Variants in ZNF35 observed in about 807,000 individuals in gnomAD.
ZNF35 encodes the protein zinc finger protein 35 (clone HF.10).
ZNF35 carries 31 observed loss-of-function variants against 45.9 expected under a neutral mutation model. The ratio of observed to expected loss-of-function variants is 0.68; its 90% CI spans 0.51 to 0.91. The LOEUF (loss-of-function observed/expected upper bound fraction) is 0.91. Ranked by LOEUF, ZNF35 falls within the 40% of genes least tolerant of loss-of-function variation. ZNF35 has a pLI of 0.00. For synonymous variants in ZNF35, 205 were observed against 220.2 expected, an observed-to-expected ratio of 0.93 and a Z score of 0.61; for missense variants, 515 against 625.4, an observed-to-expected ratio of 0.82 and a Z score of 1.88.
At position 44,651,265 on chromosome 3, in the gene ZNF35, C is replaced by T. The variant is rs752808916; in HGVS notation, c.192+6C>T. The T allele has an allele frequency of 2.3e-5, 37 of 1,609,784 alleles. No individual in the cohort carries two copies. The highest frequency in any genetic ancestry group is 3.1e-5 in the Non-Finnish European group (36 of 1,178,352). ...GATCAGAAGAGGAAGAAAAGGTAAA[C>T]GGGGGCCTGAGAGGAAGAGGGGAGG... On this transcript the variant is annotated splice_donor_region_variant and intron_variant, in intron 2 of 3. Coordinates refer to ENST00000396056, the MANE Select transcript of ZNF35 (RefSeq NM_003420.4).
In ZNF35 at chr3:44,659,781, C is replaced by G. The variant is rs1703370428; in HGVS notation, c.1418C>G (p.Pro473Arg). 6.2e-7 allele frequency: 1 copy of G among 1,613,444 alleles called. No homozygotes were observed. Among genetic ancestry groups the G allele is most frequent in the African/African-American group, 1.3e-5 (1 of 74,726 alleles). Reference protein sequence around the residue: ...IHQRIHNGEKPYTCNECGKAF... With the variant: ...IHQRIHNGEKRYTCNECGKAF... ...CAGAGAATTCATAATGGAGAAAAAC[C>G]TTACACATGTAATGAGTGTGGGAAG... The change falls in exon 4 of 4, where the codon CCT (proline) becomes CGT (arginine). Residue 473 changes from proline to arginine, a missense_variant. By Grantham distance (103) the Pro-to-Arg change is moderately radical. Around this residue, in one of 3 missense-constraint regions of ZNF35, gnomAD observed 232 missense variants for 304.6 expected, o/e 0.76. Transcript: ENST00000396056. This position sits in a 1 kb window ranked among gnomAD's most constrained non-coding sequence, Gnocchi z 4.3.
chr3:44,658,472 A>G (rs1703347969), intron 3 of ZNF35, among the ~76,000 whole-genome samples: 1 of 152,208 alleles, frequency 6.6e-6, no homozygotes, highest in South Asian at 2.1e-4. Context: ...GGCAAGTGGA[A>G]GTGCTGGAAA....
In ZNF35 at chr3:44,658,967, A is replaced by G; in HGVS notation, c.604A>G (p.Lys202Glu). 1 of 1,614,216 alleles carries G rather than the reference A, an allele frequency of 6.2e-7. No homozygotes were observed. The highest frequency in any genetic ancestry group is 8.5e-7 in the Non-Finnish European group (1 of 1,180,046). ...CCAGAAATGTAAGAAATCTGGAGGA[A>G]AATATAGCCTTAATTCTGGCGCTGT... ...ENQKCKKSGG[K>E]YSLNSGAVKN... Residue 202 changes from lysine to glutamate, a missense_variant, in exon 4 of 4, where the codon AAA becomes GAA. Coordinates refer to ENST00000396056, the MANE Select transcript of ZNF35 (RefSeq NM_003420.4).
chr3:44,659,795 G>C lies in ZNF35; in HGVS notation c.1432G>C (p.Glu478Gln). 6.2e-7 allele frequency: 1 copy of C among 1,613,984 alleles called. No individual in the cohort carries two copies. Among genetic ancestry groups the C allele is most frequent in the Non-Finnish European group, 8.5e-7 (1 of 1,179,980 alleles). Reference sequence around the variant, plus strand: ...TGGAGAAAAACCTTACACATGTAATGAGTGTGGGAAGGCCTTCAGACAGAG... The same window carrying C: ...TGGAGAAAAACCTTACACATGTAATCAGTGTGGGAAGGCCTTCAGACAGAG... ...HNGEKPYTCNECGKAFRQRSS... is the reference protein window; with the variant it reads ...HNGEKPYTCNQCGKAFRQRSS... Residue 478 changes from glutamate (E) to glutamine (Q), a missense_variant, in exon 4 of 4, where the codon GAG becomes CAG. By Grantham distance (29) the Glu-to-Gln change is conservative. Transcript: ENST00000396056. The surrounding 1 kb of genome is among the most constrained non-coding windows in gnomAD (Gnocchi z 4.3).
chr3:44,658,782 A>G lies in ZNF35; in HGVS notation c.419A>G (p.Glu140Gly). Residue 140 changes from glutamate to glycine, a missense_variant, in exon 4 of 4, where the codon GAA (glutamate) becomes GGA (glycine). This residue lies in a region of ZNF35 where 275 missense variants were observed against 295.7 expected (regional missense o/e 0.93). Transcript: ENST00000396056. ...EEAEKPLIIS[E>G]RIQKADPQGP... The stretch of plus-strand genomic sequence containing the variant: ...GCTGAAAAACCCCTCATCATATCAG[A>G]AAGAATCCAGAAAGCTGATCCTCAA... The G allele has an allele frequency of 1.2e-6, 2 of 1,608,674 alleles. No homozygotes were observed. The highest frequency in any genetic ancestry group is 1.7e-6 in the Non-Finnish European group (2 of 1,178,828).
At chr3:44,647,235 T>G (rs1015279480), upstream of ZNF35, 13 of 151,200 alleles carry the variant, frequency 8.6e-5, no homozygotes, top group African/African-American at 3.2e-4. Flanking sequence ...TCATTAGGCA[T>G]GAGGGAAATG....
chr3:44,659,709 A>G lies in ZNF35; in HGVS notation c.1346A>G (p.Asn449Ser), dbSNP rs765235011. The part of the protein sequence containing the change: ...IHSGDLPYVC[N>S]ECGKAFTCSS... ...AGTGGAGATCTTCCTTACGTGTGTA[A>G]TGAATGTGGGAAGGCCTTCACATGT... The change falls in exon 4 of 4, where the codon AAT becomes AGT. Residue 449 changes from asparagine (N) to serine (S), a missense_variant. By Grantham distance (46) the Asn-to-Ser change is conservative. This residue lies in a region of ZNF35 where 232 missense variants were observed against 304.6 expected (regional missense o/e 0.76). Transcript: ENST00000396056. This position sits in a 1 kb window ranked among gnomAD's most constrained non-coding sequence, Gnocchi z 4.3. 6.2e-7 allele frequency: 1 copy of G among 1,613,890 alleles called. No individual in the cohort carries two copies. Among genetic ancestry groups the G allele is most frequent in the Non-Finnish European group, 8.5e-7 (1 of 1,179,974 alleles).
chr3:44,648,276 T>C (rs1199265113), upstream of ZNF35: 1 of 152,186 alleles, frequency 6.6e-6, no homozygotes, highest in Non-Finnish European at 1.5e-5. Context: ...GGATGCATGT[T>C]GAAGTATTTG....
In ZNF35 at chr3:44,652,671, C is replaced by G; in HGVS notation, c.307C>G (p.Leu103Val). ...AGGGACTCTGGCCAAGAGTGAGATA[C>G]TGGAGACTCATGGGACCATGAACTT... ...LPGTLAKSEI[L>V]ETHGTMNFLG... is the part of the protein sequence containing the mutation. Residue 103 changes from leucine to valine, a missense_variant, in exon 3 of 4, where the codon CTG (leucine) becomes GTG (valine). Coordinates refer to ENST00000396056, the MANE Select transcript of ZNF35 (RefSeq NM_003420.4). The G allele has an allele frequency of 8.1e-6, 13 of 1,608,694 alleles. No individual in the cohort carries two copies. Among genetic ancestry groups the G allele is most frequent in the Non-Finnish European group, 7.6e-6 (9 of 1,177,784 alleles).
chr3:44,658,183 G>A (rs749911625), intron 3 of ZNF35, among the ~76,000 whole-genome samples: 6 of 152,158 alleles, frequency 3.9e-5, no homozygotes, highest in Non-Finnish European at 7.3e-5. Context: ...CTTTCTGTCC[G>A]TGCTTATCCT....
chr3:44,649,731 A>G (rs1006959823), intron 1 of ZNF35, among the ~76,000 whole-genome samples: 1 of 152,214 alleles, frequency 6.6e-6, no homozygotes, highest in African/African-American at 2.4e-5. Context: ...AAATATTTAC[A>G]AAGAAAAACT....
chr3:44,658,710 C>G lies in ZNF35; in HGVS notation c.347C>G (p.Thr116Ser). ...HGTMNFLGAE[T>S]KNLQLLVPKT... Reference sequence around the variant, plus strand: ...CTGTTTCTTGGTTCAGGTGCTGAAACCAAGAACCTACAGTTACTGGTTCCA... The same window carrying G: ...CTGTTTCTTGGTTCAGGTGCTGAAAGCAAGAACCTACAGTTACTGGTTCCA... The change falls in exon 4 of 4, where the codon ACC becomes AGC. Residue 116 changes from threonine (T) to serine (S), a missense_variant. Coordinates refer to ENST00000396056, the MANE Select transcript of ZNF35 (RefSeq NM_003420.4). 6.4e-7 allele frequency: 1 copy of G among 1,561,920 alleles called. No individual in the cohort carries two copies. Among genetic ancestry groups the G allele is most frequent in the East Asian group, 2.2e-5 (1 of 44,546 alleles).
Position 44,652,776 on chromosome 3 carries a change from C to T in ZNF35, c.337+75C>T, listed in dbSNP as rs537272594. 2.8e-6 allele frequency: 4 copies of T among 1,445,512 alleles called. No individual in the cohort carries two copies. In the African/African-American group the frequency reaches 4.3e-5, roughly 16 times the overall value. 89.5% of individuals were successfully genotyped at this position (1,445,512 alleles called of 1,614,324 possible). A position where few individuals can be genotyped will look rare whatever the true frequency, so the allele number is the denominator to read the frequency against. On this transcript the variant is annotated intron_variant, in intron 3 of 3. Coordinates refer to ENST00000396056, the MANE Select transcript of ZNF35 (RefSeq NM_003420.4). ...ATCTTTTCAGAGACTGGTGGGCATC[C>T]AGTCTCCTAGGTTGACCAACAGAGT...
chr3:44,649,088 C>G lies in ZNF35; in HGVS notation c.-128+254C>G, dbSNP rs567264888. On this transcript the variant is annotated intron_variant, in intron 1 of 3. Coordinates refer to ENST00000396056, the MANE Select transcript of ZNF35 (RefSeq NM_003420.4). ...GTCCCAGGGACAGGGCCGCGAGGAG[C>G]CTATACGTGGAAAGAATGGATTGCC... Among the ~76,000 whole-genome samples the G allele has an allele frequency of 3.9e-5, 6 of 152,288 alleles. 1 individual carries two copies. Among genetic ancestry groups the G allele is most frequent in the African/African-American group, 1.4e-4 (6 of 41,562 alleles).
Position 44,660,093 on chromosome 3 carries a change from C to A in ZNF35, c.*146C>A. 3.6e-6 allele frequency: 3 copies of A among 840,094 alleles called. No homozygotes were observed. Among genetic ancestry groups the A allele is most frequent in the South Asian group, 3.3e-5 (1 of 30,230 alleles). The allele number at this position is 840,094 out of a possible 1,614,324, so 52.0% of individuals were successfully genotyped here. On this transcript the variant is annotated 3_prime_UTR_variant, in exon 4 of 4. Transcript: ENST00000396056. ...GTTTTCAGGAATGCAGCAGAAGACA[C>A]AAGAAAAGCATTTCAGAGGCTAATT...
intron 3 of ZNF35, 72 bp from the exon 4 acceptor site, chr3:44,658,627 TTA>T (rs1703350470): frequency 6.7e-7 from 1 of 1,483,268 alleles, no homozygotes; most frequent in Non-Finnish European, 9.0e-7. Flanking sequence ...ATACTTCGTT[TTA>T]TGACTTGATG....
chr3:44,652,115 T>C lies in ZNF35; in HGVS notation c.193-442T>C, dbSNP rs541963538. Reference sequence around the variant, plus strand: ...GATCTTTGCACCACACTTTGATTCATGAGGCTGTACACTGTGCTGTCCTTA... The same window carrying C: ...GATCTTTGCACCACACTTTGATTCACGAGGCTGTACACTGTGCTGTCCTTA... On this transcript the variant is annotated intron_variant, in intron 2 of 3. Transcript: ENST00000396056. 3.9e-5 allele frequency among the ~76,000 whole-genome samples: 6 copies of C among 152,304 alleles called. No homozygotes were observed. In the East Asian group the frequency reaches 7.7e-4, roughly 20 times the overall value.
In ZNF35 at chr3:44,658,747, A is replaced by G. The variant is rs1703352175; in HGVS notation, c.384A>G (p.Ile128Met). 1 of 1,588,516 alleles carries G rather than the reference A, an allele frequency of 6.3e-7. No homozygotes were observed. Among genetic ancestry groups the G allele is most frequent in the Non-Finnish European group, 8.5e-7 (1 of 1,173,844 alleles). Residue 128 changes from isoleucine to methionine, a missense_variant, in exon 4 of 4, where the codon ATA becomes ATG. Physicochemically the swap from Ile to Met is conservative, Grantham distance 10. Around this residue, in one of 3 missense-constraint regions of ZNF35, gnomAD observed 275 missense variants for 295.7 expected, o/e 0.93. Coordinates refer to ENST00000396056, the MANE Select transcript of ZNF35 (RefSeq NM_003420.4). ...NLQLLVPKTEICEEAEKPLII... is the reference protein window; with the variant it reads ...NLQLLVPKTEMCEEAEKPLII... ...AGTTACTGGTTCCAAAAACTGAGAT[A>G]TGTGAGGAAGCTGAAAAACCCCTCA...
chr3:44,649,382 T>G (rs1703132430), intron 1 of ZNF35, among the ~76,000 whole-genome samples: 1 of 152,224 alleles, frequency 6.6e-6, no homozygotes, highest in African/African-American at 2.4e-5. Context: ...ATACAGTAAG[T>G]GGCCAGTAAG....
Sources: gnomAD v4.1 joint callset for allele counts (sites outside exome capture counted in the v4.1 genomes callset) on GRCh38, gnomAD v4.1.1 for gene constraint, gnomAD v4.1.1 regional missense constraint, Gnocchi (gnomAD v3.1) non-coding constraint, MANE v1.5 for transcripts, NCBI Gene and HGNC (gene_info 2026-07-23, HGNC 2026-07-21) for gene names.